MECOM: variants seen among roughly 807,000 people sequenced by gnomAD.
MECOM encodes MDS1 and EVI1 complex locus, also known as histone-lysine N-methyltransferase MECOM.
MECOM carries 13 observed loss-of-function variants against 116.3 expected under a neutral mutation model. That is an observed-to-expected ratio of 0.11 (90% CI 0.07 to 0.18). The LOEUF (loss-of-function observed/expected upper bound fraction) is 0.18, where lower values mean the gene tolerates loss of function less well. Among genes scored for constraint, MECOM ranks in the 10% least tolerant of loss-of-function variants. The pLI, the probability that MECOM is intolerant of heterozygous loss-of-function variation, is 1.00. For missense variants in MECOM, 1,299 were observed against 1,509.0 expected (o/e 0.86, Z 2.31); for synonymous variants, 528 against 535.2 (o/e 0.99, Z 0.19).
At chr3:169,602,262 G>C (rs999722139) in intron 1 of MECOM, among the ~76,000 whole-genome samples, 1 of 152,214 alleles carries the variant, frequency 6.6e-6, no homozygotes, top group Admixed American at 6.5e-5. Context: ...AACTTAGAGA[G>C]ATGTTCTCTA....
At chr3:169,487,386 G>A (rs1253911545) in intron 1 of MECOM, among the ~76,000 whole-genome samples, 2 of 152,004 alleles carry the variant, frequency 1.3e-5, no homozygotes, top group Non-Finnish European at 2.9e-5. Flanking sequence ...CTGGGGGCAG[G>A]GGAGGGGGAC....
At chr3:169,240,150 C>T (rs1271828616) in intron 2 of MECOM, among the ~76,000 whole-genome samples, 1 of 152,290 alleles carries the variant, frequency 6.6e-6, no homozygotes, top group Non-Finnish European at 1.5e-5. Context: ...TACCATCTAT[C>T]TCCCCCAAAT....
chr3:169,414,686 G>A lies in MECOM; in HGVS notation c.38-33162C>T, dbSNP rs116910526. Among the ~76,000 whole-genome samples the A allele has an allele frequency of 1.9e-3, 288 of 152,224 alleles. 4 individuals are homozygous for A. The East Asian group carries it at 0.048, about 25-fold the overall frequency. ...CTAGTATAACCAGTTTAGAAAGAAC[G>A]TAAGTGATCTGATGGAGCTGAAAAA... On this transcript the variant is annotated intron_variant, in intron 1 of 16. Coordinates refer to ENST00000651503, the MANE Select transcript of MECOM (RefSeq NM_004991.4).
At chr3:169,212,953 C>T (rs1332370983) in intron 2 of MECOM, among the ~76,000 whole-genome samples, 2 of 151,728 alleles carry the variant, frequency 1.3e-5, no homozygotes, top group Non-Finnish European at 2.9e-5. Context: ...CTCTCACCTC[C>T]ACCTTTAAAG....
intron 13 of MECOM, 43 bp downstream of exon 13, chr3:169,095,033 A>G: frequency 1.4e-6 from 2 of 1,453,688 alleles, no homozygotes; most frequent in Non-Finnish European, 9.1e-7. Flanking sequence ...TTAAAACACG[A>G]AAAAGAAGTC....
At chr3:169,372,132 T>A (rs1467252293) in intron 2 of MECOM, among the ~76,000 whole-genome samples, 1 of 152,054 alleles carries the variant, frequency 6.6e-6, no homozygotes, top group Non-Finnish European at 1.5e-5. Flanking sequence ...ATATTCACTC[T>A]CTACTCATGT....
intron 1 of MECOM, among the ~76,000 whole-genome samples, chr3:169,511,318 T>C (rs1298096509): frequency 1.3e-5 from 2 of 152,224 alleles, no homozygotes; most frequent in Non-Finnish European, 2.9e-5. Flanking sequence ...CTCTATATTT[T>C]ACAAATGGGA....
In MECOM at chr3:169,663,359, C is replaced by A. The variant is rs960179876; in HGVS notation, c.14G>T (p.Gly5Val). The change falls in exon 1 of 17, where the codon GGC becomes GTC. Residue 5 changes from glycine (G) to valine (V), a missense_variant. Coordinates refer to ENST00000651503, the MANE Select transcript of MECOM (RefSeq NM_004991.4). Reference protein sequence around the residue: MRSKGRARKLATNNE... With the variant: MRSKVRARKLATNNE... ...ACTTGTGGCCAGTTTCCTTGCCCTG[C>A]CTTTGGATCTCATGCTGTGCCCAGT... 4 of 1,610,594 alleles carry A rather than the reference C, an allele frequency of 2.5e-6. No homozygotes were observed. In the African/African-American group the frequency reaches 5.3e-5, roughly 22 times the overall value.
intron 2 of MECOM, among the ~76,000 whole-genome samples, chr3:169,357,368 C>T (rs1727445284): frequency 6.6e-6 from 1 of 151,696 alleles, no homozygotes; most frequent in South Asian, 2.1e-4. Flanking sequence ...TTACATGAAC[C>T]ACATAAAAGA....
chr3:169,507,024 C>T (rs1755321669), intron 1 of MECOM, among the ~76,000 whole-genome samples: 1 of 152,224 alleles, frequency 6.6e-6, no homozygotes, highest in South Asian at 2.1e-4. Flanking sequence ...CTTCCCTCTT[C>T]ACTAATCATA....
chr3:169,256,128 T>C (rs1756842269), intron 2 of MECOM, among the ~76,000 whole-genome samples: 1 of 152,180 alleles, frequency 6.6e-6, no homozygotes. Flanking sequence ...ATCAAACCAA[T>C]ATAAATAATG....
intron 2 of MECOM, among the ~76,000 whole-genome samples, chr3:169,375,838 C>A (rs1466387288): frequency 6.6e-6 from 1 of 151,162 alleles, no homozygotes; most frequent in African/African-American, 2.4e-5. Flanking sequence ...ATGAGGCCAG[C>A]ATCATCCTGA....
intron 2 of MECOM, among the ~76,000 whole-genome samples, chr3:169,318,627 G>A (rs1377339180): frequency 6.6e-6 from 1 of 152,212 alleles, no homozygotes; most frequent in Non-Finnish European, 1.5e-5. Context: ...GACAGATGCT[G>A]GAGAGGATGT....
chr3:169,521,437 AAAG>A (rs1415051038), intron 1 of MECOM, among the ~76,000 whole-genome samples: 1 of 152,204 alleles, frequency 6.6e-6, no homozygotes, highest in Non-Finnish European at 1.5e-5. Context: ...TTCCCAAGAA[AAAG>A]AAGGCCAGAC....
chr3:169,368,791 C>T (rs1228901879), intron 2 of MECOM, among the ~76,000 whole-genome samples: 3 of 151,980 alleles, frequency 2.0e-5, no homozygotes, highest in Non-Finnish European at 2.9e-5. Context: ...AAAAGAGGCT[C>T]TTTCCTGAAT....
intron 1 of MECOM, among the ~76,000 whole-genome samples, chr3:169,493,527 T>C (rs1302430640): frequency 6.6e-6 from 1 of 152,016 alleles, no homozygotes; most frequent in Non-Finnish European, 1.5e-5. Context: ...TATATGTATG[T>C]ATGTAAGACA....
At chr3:169,253,394 T>C (rs1756467258) in intron 2 of MECOM, among the ~76,000 whole-genome samples, 1 of 151,594 alleles carries the variant, frequency 6.6e-6, no homozygotes, top group Non-Finnish European at 1.5e-5. Flanking sequence ...TTTAGTTCTT[T>C]TTTTTTTTTT....
At chr3:169,560,150 A>T (rs1762479201) in intron 1 of MECOM, among the ~76,000 whole-genome samples, 1 of 152,186 alleles carries the variant, frequency 6.6e-6, no homozygotes, top group African/African-American at 2.4e-5. Context: ...ACATTCCCTT[A>T]TAAGTGTTTA....
intron 2 of MECOM, among the ~76,000 whole-genome samples, chr3:169,311,187 T>C (rs986793930): frequency 6.6e-6 from 1 of 152,190 alleles, no homozygotes; most frequent in African/African-American, 2.4e-5. Context: ...TATTCAATTA[T>C]GTCAGTTGGT....
Sources: allele counts gnomAD v4.1 joint callset (sites outside exome capture counted in the v4.1 genomes callset), GRCh38; gene constraint gnomAD v4.1.1; transcripts MANE v1.5; gene names NCBI Gene and HGNC (gene_info 2026-07-23, HGNC 2026-07-21).